The following FAM53A variants were observed in gnomAD, a reference collection of about 807,000 sequenced individuals.
FAM53A encodes family with sequence similarity 53 member A, also known as protein FAM53A.
A neutral mutation model predicts 26.6 loss-of-function variants in FAM53A; 28 were observed. The observed-to-expected ratio is 1.05, with a 90% confidence interval of 0.78 to 1.45. FAM53A has a LOEUF of 1.45. FAM53A is among the 40% of genes most tolerant of loss of function. The probability of loss-of-function intolerance (pLI) is 0.00; values close to 1 mark genes in which losing one functional copy is unlikely to be tolerated. For missense variants in FAM53A, 650 were observed against 575.8 expected (o/e 1.13, Z -1.32); for synonymous variants, 290 against 253.1 (o/e 1.15, Z -1.38).
intron 1 of FAM53A, among the ~76,000 whole-genome samples, chr4:1,628,028 AGGGTGG>A: frequency 8.6e-5 from 1 of 11,684 alleles, no homozygotes; most frequent in Non-Finnish European, 1.6e-4. Context: ...CTGGGTGGGG[AGGGTGG>A]CACGGGGGGA....
chr4:1,619,323 C>T (rs1236356676), intron 1 of FAM53A, among the ~76,000 whole-genome samples: 2 of 152,194 alleles, frequency 1.3e-5, no homozygotes, highest in Non-Finnish European at 2.9e-5. Context: ...ACTGCCAGGG[C>T]GGCCAACGAC....
the FAM53A span, among the ~76,000 whole-genome samples, chr4:1,575,635 G>A: frequency 6.6e-6 from 1 of 152,040 alleles, no homozygotes; most frequent in South Asian, 2.1e-4. Context: ...GGGGAGGGAG[G>A]GGTCTCCATG....
At chr4:1,652,559 CCA>C (rs1320655937) in intron 4 of FAM53A, among the ~76,000 whole-genome samples, 1 of 145,700 alleles carries the variant, frequency 6.9e-6, no homozygotes, top group Admixed American at 6.8e-5. Flanking sequence ...CCACACATTA[CCA>C]CACACACACC....
chr4:1,629,981 C>T (rs1715541568), intron 1 of FAM53A, among the ~76,000 whole-genome samples: 1 of 152,220 alleles, frequency 6.6e-6, no homozygotes, highest in Non-Finnish European at 1.5e-5. Flanking sequence ...AGCTTCCCCT[C>T]TCCCAGACCT....
intron 1 of FAM53A, among the ~76,000 whole-genome samples, chr4:1,629,210 C>T (rs1715500001): frequency 1.3e-5 from 2 of 152,202 alleles, no homozygotes; most frequent in African/African-American, 4.8e-5. Context: ...ATCCCCACCG[C>T]ACCTGGGACC....
the FAM53A span, among the ~76,000 whole-genome samples, chr4:1,594,400 G>GA: frequency 6.6e-6 from 1 of 152,120 alleles, no homozygotes; most frequent in Non-Finnish European, 1.5e-5. Flanking sequence ...TTCCCCTCAT[G>GA]AAAAAAGGAT....
chr4:1,632,523 C>T (rs926438024), intron 1 of FAM53A, among the ~76,000 whole-genome samples: 1 of 152,212 alleles, frequency 6.6e-6, no homozygotes, highest in Non-Finnish European at 1.5e-5. Context: ...AGAACTGTCA[C>T]ATGACCGTCT....
the FAM53A span, among the ~76,000 whole-genome samples, chr4:1,599,089 G>A: frequency 6.6e-6 from 1 of 152,144 alleles, no homozygotes; most frequent in Non-Finnish European, 1.5e-5. This position sits in a 1 kb window ranked among gnomAD's most constrained non-coding sequence, Gnocchi z 6.1. Flanking sequence ...CCAGGGTGCC[G>A]GAGCGCAGGG....
At chr4:1,610,770 A>AGCCC in the FAM53A span, among the ~76,000 whole-genome samples, 2 of 152,024 alleles carry the variant, frequency 1.3e-5, no homozygotes, top group African/African-American at 4.8e-5. Context: ...CCCACTGCAC[A>AGCCC]GCCCCATGAC....
chr4:1,623,786 A>G (rs903878354), intron 1 of FAM53A, among the ~76,000 whole-genome samples: 2 of 152,232 alleles, frequency 1.3e-5, no homozygotes, highest in Non-Finnish European at 2.9e-5. Context: ...GCTAATGAAA[A>G]TATCAATCAA....
chr4:1,637,556 C>T (rs1277009033), downstream of FAM53A, among the ~76,000 whole-genome samples: 1 of 152,126 alleles, frequency 6.6e-6, no homozygotes, highest in Non-Finnish European at 1.5e-5. Context: ...GCCTCTTCCC[C>T]TCAGGAGCCC....
chr4:1,669,012 C>A (rs1030992299), intron 1 of FAM53A, 107 bp from the exon 2 acceptor site: 7 of 386,738 alleles, frequency 1.8e-5, no homozygotes, highest in South Asian at 1.4e-4. Flanking sequence ...TCTGATATCC[C>A]ACCTCACAAA....
chr4:1,660,996 C>T (rs1351446306), intron 2 of FAM53A, among the ~76,000 whole-genome samples: 1 of 152,034 alleles, frequency 6.6e-6, no homozygotes, highest in African/African-American at 2.4e-5. Context: ...CCACCCATAC[C>T]GTGCCCGCCA....
chr4:1,590,957 T>TATATACATATAC, the FAM53A span, among the ~76,000 whole-genome samples: 3 of 30,968 alleles, frequency 9.7e-5, 1 homozygote, highest in Non-Finnish European at 6.3e-5. Flanking sequence ...ATTTAATGCA[T>TATATACATATAC]ATATATATAT....
chr4:1,574,942 TA>T, the FAM53A span, among the ~76,000 whole-genome samples: 3 of 152,200 alleles, frequency 2.0e-5, no homozygotes, highest in Non-Finnish European at 4.4e-5. Context: ...ACATTGAGGT[TA>T]AAAATGTGCC....
intron 1 of FAM53A, among the ~76,000 whole-genome samples, chr4:1,620,401 G>A (rs1329025295): frequency 2.0e-5 from 3 of 151,922 alleles, no homozygotes; most frequent in South Asian, 2.1e-4. Flanking sequence ...AGGCCTTTCC[G>A]GGAGTTGTTT....
rs1209823690 is a variant in FAM53A at position 1,640,492 on chromosome 4, C to T, written c.*801G>A. On this transcript the variant is annotated 3_prime_UTR_variant, in exon 5 of 5. Coordinates refer to ENST00000308132, the MANE Select transcript of FAM53A (RefSeq NM_001174070.3). ...TTGCAGATTCATGTTTAATAGAACG[C>T]CCTTCTGAAATGCATCCAAAATAGA... The T allele has an allele frequency of 3.3e-6, 1 of 299,588 alleles. No individual in the cohort carries two copies. The highest frequency in any genetic ancestry group is 6.3e-6 in the Non-Finnish European group (1 of 159,518). 18.6% of individuals were successfully genotyped at this position (299,588 alleles called of 1,614,324 possible).
intron 1 of FAM53A, among the ~76,000 whole-genome samples, chr4:1,669,773 C>T (rs1560196947): frequency 1.3e-5 from 2 of 152,186 alleles, no homozygotes; most frequent in Non-Finnish European, 2.9e-5. Context: ...CCTCTGCCCT[C>T]GGAGTGATAC....
At position 1,668,664 on chromosome 4, in the gene FAM53A, T is replaced by A; in HGVS notation, c.75+3A>T. The A allele has an allele frequency of 6.2e-7, 1 of 1,614,050 alleles. No homozygotes were observed. ...CAGCCTGGTGCCACCTGCAGCTGCT[T>A]ACCGGGCCAGCCTCCGCCTTGCAGG... On this transcript the variant is annotated splice_donor_region_variant and intron_variant, in intron 2 of 4. Coordinates refer to ENST00000308132, the MANE Select transcript of FAM53A (RefSeq NM_001174070.3).
Sources: gnomAD v4.1 joint callset for allele counts (sites outside exome capture counted in the v4.1 genomes callset) on GRCh38, gnomAD v4.1.1 for gene constraint, Gnocchi (gnomAD v3.1) non-coding constraint, MANE v1.5 for transcripts, NCBI Gene and HGNC (gene_info 2026-07-23, HGNC 2026-07-21) for gene names.